The following CHIT1 variants were observed in gnomAD, a reference collection of about 807,000 sequenced individuals.
CHIT1 encodes the protein chitotriosidase-1.
In CHIT1, 47 loss-of-function variants were observed where a neutral mutation model predicts 52.0. The ratio of observed to expected loss-of-function variants is 0.90; its 90% CI spans 0.71 to 1.15. The LOEUF (loss-of-function observed/expected upper bound fraction) is 1.15, where lower values mean the gene tolerates loss of function less well. Ranked by LOEUF, CHIT1 falls within the 50% of genes most tolerant of loss-of-function variation. The pLI, the probability that CHIT1 is intolerant of heterozygous loss-of-function variation, is 0.00. For missense variants in CHIT1, 569 were observed against 583.0 expected (o/e 0.98, Z 0.25); for synonymous variants, 242 against 228.2 (o/e 1.06, Z -0.54).
At chr1:203,219,633 C>A (rs771555300) in intron 8 of CHIT1, 31 bp downstream of exon 8, 1 of 1,612,406 alleles carries the variant, frequency 6.2e-7, no homozygotes, top group African/African-American at 1.3e-5. Context: ...CTGACCCTCA[C>A]AATACCCAGG....
In CHIT1 at chr1:203,219,325, C is replaced by G; in HGVS notation, c.920G>C (p.Cys307Ser). 1 of 1,591,712 alleles carries G rather than the reference C, an allele frequency of 6.3e-7. No homozygotes were observed. The highest frequency in any genetic ancestry group is 8.6e-7 in the Non-Finnish European group (1 of 1,159,564). The change falls in exon 9 of 11, where the codon TGC becomes TCC. Residue 307 changes from cysteine (C) to serine (S), a missense_variant. Physicochemically the swap from Cys to Ser is moderately radical, Grantham distance 112 (BLOSUM62 -1). Transcript: ENST00000367229. The part of the protein sequence containing the change: ...EGGMLAYYEV[C>S]SWKGATKQRI... ...CTGTTTGGTGGCCCCCTTCCAGGAG[C>G]AGACCTGTGGGAGCAGAAGGCAGCA...
At chr1:203,217,308 C>A in intron 10 of CHIT1, 175 bp from the exon 11 acceptor site, 1 of 1,536,568 alleles carries the variant, frequency 6.5e-7, no homozygotes, top group Non-Finnish European at 8.7e-7. Context: ...ATACCTACAG[C>A]TGAAGCACAG....
At chr1:203,217,930 G>T (rs1656597200) in intron 9 of CHIT1, 65 bp from the exon 10 acceptor site, 3 of 1,563,036 alleles carry the variant, frequency 1.9e-6, no homozygotes, top group Non-Finnish European at 2.6e-6. Context: ...CCAGAGCCTG[G>T]CTACCTCTTC....
intron 9 of CHIT1, 173 bp from the exon 10 acceptor site, chr1:203,218,038 T>A: frequency 6.5e-7 from 1 of 1,531,528 alleles, no homozygotes. Flanking sequence ...TGAGTCCTCA[T>A]GCTGCTTGGA....
Position 203,217,762 on chromosome 1 carries a change from A to T in CHIT1, c.1133T>A (p.Ile378Asn). The T allele has an allele frequency of 6.2e-7, 1 of 1,613,552 alleles. No individual in the cohort carries two copies. Among genetic ancestry groups the T allele is most frequent in the Non-Finnish European group, 8.5e-7 (1 of 1,179,730 alleles). The change falls in exon 10 of 11, where the codon ATC becomes AAC. Residue 378 changes from isoleucine (I) to asparagine (N), a missense_variant. Coordinates refer to ENST00000367229, the MANE Select transcript of CHIT1 (RefSeq NM_003465.3). ...FSCNQGRYPL[I>N]QTLRQELSLP... The stretch of plus-strand genomic sequence containing the variant: ...ACTCAGTTCCTGCCGTAGCGTCTGG[A>T]TGAGGGGGTATCGGCCCTGGTTGCA...
At chr1:203,228,340 C>T (rs150432042) in intron 2 of CHIT1, among the ~76,000 whole-genome samples, 193 bp downstream of exon 2, 196 of 152,312 alleles carry the variant, frequency 1.3e-3, no homozygotes, top group African/African-American at 4.4e-3. Context: ...AGGAGCTCAG[C>T]TAATGGATAA....
Position 203,217,723 on chromosome 1 carries a change from T to C in CHIT1, c.1156+16A>G. The C allele has an allele frequency of 6.2e-7, 1 of 1,613,698 alleles. No individual in the cohort carries two copies. Among genetic ancestry groups the C allele is most frequent in the Non-Finnish European group, 8.5e-7 (1 of 1,179,868 alleles). On this transcript the variant is annotated intron_variant, in intron 10 of 10. Transcript: ENST00000367229. ...CACCTCCAAATTCCACCACTGGCCC[T>C]GGGCCCCTTACTTACTCAGTTCCTG...
chr1:203,217,800 A>G lies in CHIT1; in HGVS notation c.1095T>C (p.Phe365=). ...GGCCCTGGTTGCAGGAGAAGCCGGC[A>G]AAGTCATCTAAGTCCAGTGCCCAGA... ...AMVWALDLDD[F]AGFSCNQGRY... is the part of the protein sequence containing the mutation. The change falls in exon 10 of 11, where the codon TTT becomes TTC. Residue 365 remains phenylalanine, a synonymous_variant. Coordinates refer to ENST00000367229, the MANE Select transcript of CHIT1 (RefSeq NM_003465.3). 1 of 1,295,312 alleles carries G rather than the reference A, an allele frequency of 7.7e-7. No individual in the cohort carries two copies. Among genetic ancestry groups the G allele is most frequent in the Non-Finnish European group, 1.1e-6 (1 of 932,060 alleles). The allele number at this position is 1,295,312 out of a possible 1,614,324, so 80.2% of individuals were successfully genotyped here.
chr1:203,218,075 C>G, intron 9 of CHIT1: 4 of 1,514,652 alleles, frequency 2.6e-6, no homozygotes. Context: ...GTCTCCTTGT[C>G]TTAACGTAAG....
chr1:203,217,213 A>G, intron 10 of CHIT1, 80 bp from the exon 11 acceptor site: 1 of 1,596,952 alleles, frequency 6.3e-7, no homozygotes, highest in Non-Finnish European at 8.5e-7. Context: ...GGCAGCAACC[A>G]TTGGCTGGCA....
In CHIT1 at chr1:203,216,091, G is replaced by A. The variant is rs781453122; in HGVS notation, c.*798C>T. ...CCAAAGCAGCCAGGAATGTTGGGAT[G>A]ACTTTATTTAACCAGGACACCGTGT... On this transcript the variant is annotated 3_prime_UTR_variant, in exon 11 of 11. Transcript: ENST00000367229. The A allele has an allele frequency of 1.0e-4, 46 of 453,386 alleles. No homozygotes were observed. In the Middle Eastern group the frequency reaches 3.4e-3, roughly 34 times the overall value. The allele number at this position is 453,386 out of a possible 1,614,324, so 28.1% of individuals were successfully genotyped here. A position where few individuals can be genotyped will look rare whatever the true frequency, so the allele number is the denominator to read the frequency against.
At chr1:203,227,533 C>T (rs758838124) in intron 2 of CHIT1, among the ~76,000 whole-genome samples, 6 of 152,220 alleles carry the variant, frequency 3.9e-5, no homozygotes, top group Non-Finnish European at 7.3e-5. Context: ...GCAACTTACT[C>T]GCTGTGCGAC....
At chr1:203,217,333 C>T (rs1656570279) in intron 10 of CHIT1, 200 bp from the exon 11 acceptor site, 3 of 1,523,328 alleles carry the variant, frequency 2.0e-6, no homozygotes, top group Non-Finnish European at 2.6e-6. Flanking sequence ...ACAGGCAACA[C>T]CTGGCCTCAC....
rs1384494654 is a variant in CHIT1 at position 203,222,260 on chromosome 1, T to A, written c.671A>T (p.His224Leu). 12 of 1,614,088 alleles carry A rather than the reference T, an allele frequency of 7.4e-6. No homozygotes were observed. The highest frequency in any genetic ancestry group is 1.0e-5 in the Non-Finnish European group (12 of 1,180,034). ...FHGSWEKVTG[H>L]NSPLYKRQEE... Reference sequence around the variant, plus strand: ...TTGCCTCTTGTAGAGGGGGCTGTTATGTCCCGTGACCTTCTCCCAAGAGCC... The same window carrying A: ...TTGCCTCTTGTAGAGGGGGCTGTTAAGTCCCGTGACCTTCTCCCAAGAGCC... Residue 224 changes from histidine (H) to leucine (L), a missense_variant, in exon 7 of 11, where the codon CAT (histidine) becomes CTT (leucine). By Grantham distance (99) the His-to-Leu change is moderately conservative (BLOSUM62 -3). Transcript: ENST00000367229.
chr1:203,218,703 C>T (rs1163802759), intron 9 of CHIT1, among the ~76,000 whole-genome samples: 1 of 152,142 alleles, frequency 6.6e-6, no homozygotes, highest in Non-Finnish European at 1.5e-5. Flanking sequence ...TTGTCCACCT[C>T]TAGAAGCTGC....
Position 203,223,476 on chromosome 1 carries a change from C to T in CHIT1, c.480+19G>A, listed in dbSNP as rs762383684. The T allele has an allele frequency of 1.2e-6, 2 of 1,613,554 alleles. No individual in the cohort carries two copies. Among genetic ancestry groups the T allele is most frequent in the Admixed American group, 1.7e-5 (1 of 60,024 alleles). ...GGGTCCCTGCACAGACTGGTGATCCCCGCCCCGCCCAGCCATACCTGTACC... is the reference window on the plus strand; with the variant it reads ...GGGTCCCTGCACAGACTGGTGATCCTCGCCCCGCCCAGCCATACCTGTACC... On this transcript the variant is annotated intron_variant, in intron 5 of 10. Coordinates refer to ENST00000367229, the MANE Select transcript of CHIT1 (RefSeq NM_003465.3).
intron 10 of CHIT1, 55 bp from the exon 11 acceptor site, chr1:203,217,188 C>G: frequency 3.1e-6 from 5 of 1,598,662 alleles, no homozygotes; most frequent in Non-Finnish European, 4.2e-6. Flanking sequence ...CCCAAACCCA[C>G]AGGCAGAGCA....
intron 7 of CHIT1, among the ~76,000 whole-genome samples, chr1:203,221,275 T>C (rs1025124219): frequency 3.9e-5 from 6 of 152,242 alleles, no homozygotes; most frequent in Non-Finnish European, 8.8e-5. Flanking sequence ...AATGTAGTTA[T>C]TATAAGCCCT....
In CHIT1 at chr1:203,223,260, C is replaced by T. The variant is rs776996836; in HGVS notation, c.481-1G>A. ...CCTGCTGGAAGGCATTGGCCAAGTC[C>T]TGTGGGAGTGGAGCTCAGAGTCAAC... On this transcript the variant is annotated splice_acceptor_variant, in intron 5 of 10. Coordinates refer to ENST00000367229, the MANE Select transcript of CHIT1 (RefSeq NM_003465.3). LOFTEE classifies it high-confidence loss of function. 11 of 1,614,162 alleles carry T rather than the reference C, an allele frequency of 6.8e-6. No homozygotes were observed. The East Asian group carries it at 2.5e-4, about 36-fold the overall frequency.
Sources: allele counts gnomAD v4.1 joint callset (sites outside exome capture counted in the v4.1 genomes callset), GRCh38; gene constraint gnomAD v4.1.1; transcripts MANE v1.5; gene names NCBI Gene and HGNC (gene_info 2026-07-23, HGNC 2026-07-21).